UBE2V2: variants seen among roughly 807,000 people sequenced by gnomAD.
UBE2V2 encodes ubiquitin conjugating enzyme E2 V2, also known as ubiquitin-conjugating enzyme E2 variant 2.
UBE2V2 carries 9 observed loss-of-function variants against 17.2 expected under a neutral mutation model. The observed-to-expected ratio is 0.52, with a 90% CI of 0.32 to 0.91. The LOEUF is 0.91. Ranked by LOEUF, UBE2V2 falls within the 40% of genes least tolerant of loss-of-function variation. The probability of loss-of-function intolerance (pLI) is 0.04; values close to 1 mark genes in which losing one functional copy is unlikely to be tolerated. For missense variants in UBE2V2, 133 were observed against 182.6 expected (o/e 0.73, Z 1.56); for synonymous variants, 61 against 57.5 (o/e 1.06, Z -0.28).
intron 1 of UBE2V2, among the ~76,000 whole-genome samples, chr8:48,031,854 T>C (rs2091385673): frequency 6.6e-6 from 1 of 152,058 alleles, no homozygotes; most frequent in South Asian, 2.1e-4. Flanking sequence ...CACCATGTTA[T>C]CCAGGATGGT....
chr8:48,035,631 T>TGTGTG (rs1554657540), intron 1 of UBE2V2, among the ~76,000 whole-genome samples: 74 of 109,542 alleles, frequency 6.8e-4, no homozygotes, highest in Admixed American at 3.9e-3. Flanking sequence ...TTTTTTTTTT[T>TGTGTG]TGTGTGTGTG....
chr8:48,004,909 G>A (rs2091174321), upstream of UBE2V2, among the ~76,000 whole-genome samples: 1 of 151,406 alleles, frequency 6.6e-6, no homozygotes, highest in Non-Finnish European at 1.5e-5. Flanking sequence ...ACTCACTGAA[G>A]CCTTAACCTC....
intron 1 of UBE2V2, among the ~76,000 whole-genome samples, chr8:48,017,863 T>C (rs1372347892): frequency 6.6e-6 from 1 of 151,246 alleles, no homozygotes; most frequent in Non-Finnish European, 1.5e-5. Context: ...TTTTTTTTTT[T>C]CCTGAGACAG....
At chr8:48,039,062 G>C (rs1370041369) in intron 1 of UBE2V2, among the ~76,000 whole-genome samples, 1 of 150,254 alleles carries the variant, frequency 6.7e-6, no homozygotes, top group African/African-American at 2.5e-5. Context: ...ATTTTTAGTA[G>C]AGATGGGTTT....
upstream of UBE2V2, among the ~76,000 whole-genome samples, chr8:48,006,601 T>A (rs146628606): frequency 3.4e-4 from 51 of 151,444 alleles, no homozygotes; most frequent in East Asian, 8.3e-3. Flanking sequence ...CAAGATCAAG[T>A]CGGCTTCATC....
chr8:48,001,844 C>T, the UBE2V2 span, among the ~76,000 whole-genome samples: 1 of 152,194 alleles, frequency 6.6e-6, no homozygotes, highest in Non-Finnish European at 1.5e-5. Context: ...AATCCCAGCA[C>T]TGTGGGAGTC....
chr8:48,045,922 C>G (rs1323318894), intron 2 of UBE2V2, among the ~76,000 whole-genome samples: 1 of 152,120 alleles, frequency 6.6e-6, no homozygotes, highest in African/African-American at 2.4e-5. Context: ...GTATCTACAT[C>G]TAGCCAGGAG....
At chr8:48,050,895 C>G (rs977503673) in intron 3 of UBE2V2, among the ~76,000 whole-genome samples, 1 of 152,116 alleles carries the variant, frequency 6.6e-6, no homozygotes, top group Non-Finnish European at 1.5e-5. Context: ...GGGTTTCACT[C>G]TGTCCCCCAG....
At chr8:48,045,504 G>A (rs149523526) in intron 2 of UBE2V2, among the ~76,000 whole-genome samples, 102 of 152,258 alleles carry the variant, frequency 6.7e-4, no homozygotes, top group African/African-American at 2.2e-3. Context: ...TGGTTCTCAT[G>A]ACCTACCTAC....
At chr8:47,998,837 G>T in the UBE2V2 span, among the ~76,000 whole-genome samples, 1 of 152,022 alleles carries the variant, frequency 6.6e-6, no homozygotes, top group East Asian at 1.9e-4. Flanking sequence ...TTAACCTGCC[G>T]GCTGACCCCT....
At chr8:48,026,704 G>A (rs184693348) in intron 1 of UBE2V2, among the ~76,000 whole-genome samples, 32 of 152,218 alleles carry the variant, frequency 2.1e-4, no homozygotes, top group African/African-American at 6.7e-4. Flanking sequence ...TTCACTTAGC[G>A]TAATGTTTTT....
intron 1 of UBE2V2, among the ~76,000 whole-genome samples, chr8:48,032,582 G>T (rs893304543): frequency 1.3e-5 from 2 of 152,050 alleles, no homozygotes; most frequent in African/African-American, 4.8e-5. Flanking sequence ...GCAAGACCTT[G>T]TCTCTACTAA....
At position 48,046,796 on chromosome 8, in the gene UBE2V2, T is replaced by C. The variant is rs1343419289; in HGVS notation, c.166-3057T>C. Among the ~76,000 whole-genome samples the C allele has an allele frequency of 4.6e-5, 7 of 150,882 alleles. No individual in the cohort carries two copies. In the South Asian group the frequency reaches 1.5e-3, roughly 32 times the overall value. ...GTGTGTGTGTGTAGAGATGGGGGTC[T>C]CACTGTGTTGCCCAGACGGGTCTCA... On this transcript the variant is annotated intron_variant, in intron 2 of 3. Transcript: ENST00000523111.
At chr8:48,016,187 G>A (rs947260290) in intron 1 of UBE2V2, among the ~76,000 whole-genome samples, 6 of 152,054 alleles carry the variant, frequency 3.9e-5, no homozygotes, top group African/African-American at 1.4e-4. Context: ...GTGAGCCACC[G>A]CGCTCAGCCT....
intron 3 of UBE2V2, among the ~76,000 whole-genome samples, chr8:48,058,236 A>T (rs1563861507): frequency 6.6e-6 from 1 of 152,138 alleles, no homozygotes; most frequent in Non-Finnish European, 1.5e-5. Context: ...TGGGAGGCTG[A>T]GGCGGGTGGA....
At chr8:48,003,249 A>G in the UBE2V2 span, among the ~76,000 whole-genome samples, 2 of 151,826 alleles carry the variant, frequency 1.3e-5, no homozygotes, top group Non-Finnish European at 2.9e-5. Flanking sequence ...TTTAGTTCTC[A>G]GATAACAGAA....
At chr8:48,007,540 A>G (rs1157395268), upstream of UBE2V2, among the ~76,000 whole-genome samples, 1 of 151,962 alleles carries the variant, frequency 6.6e-6, no homozygotes, top group African/African-American at 2.4e-5. Flanking sequence ...AATACCTAGG[A>G]ATACAACCTA....
chr8:48,015,821 CCTT>C (rs2091264476), intron 1 of UBE2V2, among the ~76,000 whole-genome samples: 1 of 151,754 alleles, frequency 6.6e-6, no homozygotes, highest in African/African-American at 2.4e-5. Context: ...GAGAGAATTT[CCTT>C]CTTTTTTATG....
chr8:48,013,949 C>T (rs957774105), intron 1 of UBE2V2, among the ~76,000 whole-genome samples: 1 of 152,198 alleles, frequency 6.6e-6, no homozygotes, highest in African/African-American at 2.4e-5. Context: ...GATTGGACAA[C>T]ATCATCTTGT....
Sources: allele counts gnomAD v4.1 joint callset (sites outside exome capture counted in the v4.1 genomes callset), GRCh38; gene constraint gnomAD v4.1.1; transcripts MANE v1.5; gene names NCBI Gene and HGNC (gene_info 2026-07-23, HGNC 2026-07-21).